CAPNS1: variants seen among roughly 807,000 people sequenced by gnomAD.
CAPNS1 encodes calpain small subunit 1.
CAPNS1 carries 32 observed loss-of-function variants against 39.2 expected under a neutral mutation model. The observed-to-expected ratio is 0.82, with a 90% CI of 0.62 to 1.10. The LOEUF (loss-of-function observed/expected upper bound fraction) is 1.10. CAPNS1 is among the 50% of genes least tolerant of loss of function. The pLI is 0.00. For synonymous variants in CAPNS1, 153 were observed against 136.2 expected (o/e 1.12, Z -0.86); for missense variants, 353 against 373.1 (o/e 0.95, Z 0.44).
At chr19:36,145,203 CTTT>C (rs5827950) in intron 6 of CAPNS1, among the ~76,000 whole-genome samples, 53 of 118,280 alleles carry the variant, frequency 4.5e-4, no homozygotes, top group African/African-American at 1.5e-3. Context: ...TTTTCTTTCT[CTTT>C]TTTTTTTTTT....
At position 36,149,932 on chromosome 19, in the gene CAPNS1, T is replaced by G; in HGVS notation, c.*93T>G. ...AGGGCCGATCCTGTCTGCAGTCACA[T>G]CTTTGTGGGGCCTGCTGACCCACAA... On this transcript the variant is annotated 3_prime_UTR_variant, in exon 11 of 11. Coordinates refer to ENST00000246533, the MANE Select transcript of CAPNS1 (RefSeq NM_001749.4). 1 of 1,188,602 alleles carries G rather than the reference T, an allele frequency of 8.4e-7. No homozygotes were observed. 73.6% of individuals were successfully genotyped at this position (1,188,602 alleles called of 1,614,324 possible).
chr19:36,145,117 C>G (rs1974516359), intron 6 of CAPNS1, among the ~76,000 whole-genome samples: 1 of 151,968 alleles, frequency 6.6e-6, no homozygotes, highest in Non-Finnish European at 1.5e-5. Flanking sequence ...AGGCATGAAC[C>G]ACCATGCCTG....
chr19:36,144,285 C>T (rs1974489594), intron 6 of CAPNS1: 1 of 152,000 alleles, frequency 6.6e-6, no homozygotes, highest in African/African-American at 2.4e-5. Context: ...GCTACTCAAG[C>T]AGGAGAATTG....
At chr19:36,140,884 C>G in intron 1 of CAPNS1, 113 bp from the exon 2 acceptor site, 1 of 1,524,120 alleles carries the variant, frequency 6.6e-7, no homozygotes. Context: ...AAACTCAGAC[C>G]CCCACCCGGA....
At chr19:36,142,586 C>G (rs113039946) in intron 3 of CAPNS1, 66 bp from the exon 4 acceptor site, 5 of 1,352,480 alleles carry the variant, frequency 3.7e-6, no homozygotes, top group Middle Eastern at 1.8e-4. Flanking sequence ...CCCAGGGTAC[C>G]TGGGTTTGGG....
At chr19:36,141,440 G>A in intron 2 of CAPNS1, 2 of 1,311,126 alleles carry the variant, frequency 1.5e-6, no homozygotes, top group Non-Finnish European at 1.9e-6. Context: ...CTTGATATGG[G>A]AGTAGTCTGA....
Position 36,149,941 on chromosome 19 carries a change from G to A in CAPNS1, c.*102G>A, listed in dbSNP as rs548432967. 5 of 1,127,602 alleles carry A rather than the reference G, an allele frequency of 4.4e-6. No individual in the cohort carries two copies. The South Asian group carries it at 7.9e-5, about 18-fold the overall frequency. 69.8% of individuals were successfully genotyped at this position (1,127,602 alleles called of 1,614,324 possible). A position where few individuals can be genotyped will look rare whatever the true frequency, so the allele number is the denominator to read the frequency against. On this transcript the variant is annotated 3_prime_UTR_variant, in exon 11 of 11. Transcript: ENST00000246533. The stretch of plus-strand genomic sequence containing the variant: ...CCTGTCTGCAGTCACATCTTTGTGG[G>A]GCCTGCTGACCCACAAGCTTTTGTT...
In CAPNS1 at chr19:36,143,085, G is replaced by A. The variant is rs1353099942; in HGVS notation, c.413G>A (p.Gly138Asp). 1.2e-6 allele frequency: 2 copies of A among 1,614,084 alleles called. No homozygotes were observed. Among genetic ancestry groups the A allele is most frequent in the Non-Finnish European group, 1.7e-6 (2 of 1,180,040 alleles). Reference sequence around the variant, plus strand: ...ACAGACCCTGATCTGAAGACTGATGGTTTTGGCATTGACACATGTCGCAGC... The same window carrying A: ...ACAGACCCTGATCTGAAGACTGATGATTTTGGCATTGACACATGTCGCAGC... ...VTRHPDLKTD[G>D]FGIDTCRSMV... The change falls in exon 6 of 11, where the codon GGT (glycine) becomes GAT (aspartate). Residue 138 changes from glycine to aspartate, a missense_variant. Gly to Asp is a moderately conservative substitution (Grantham distance 94). Coordinates refer to ENST00000246533, the MANE Select transcript of CAPNS1 (RefSeq NM_001749.4).
intron 3 of CAPNS1, 119 bp from the exon 4 acceptor site, chr19:36,142,533 T>C: frequency 1.3e-6 from 1 of 795,598 alleles, no homozygotes; most frequent in Non-Finnish European, 2.1e-6. Context: ...CCACCCCTCA[T>C]TCTTTTCCTC....
intron 9 of CAPNS1, 72 bp downstream of exon 9, chr19:36,146,384 C>T: frequency 1.0e-6 from 1 of 983,828 alleles, no homozygotes; most frequent in Non-Finnish European, 1.6e-6. Flanking sequence ...CTCCTCTAAG[C>T]CTGACTTTGA....
At chr19:36,141,930 G>A (rs1974388469) in intron 2 of CAPNS1, among the ~76,000 whole-genome samples, 1 of 152,098 alleles carries the variant, frequency 6.6e-6, no homozygotes, top group South Asian at 2.1e-4. Flanking sequence ...GGAAGCTGGG[G>A]CAGAGCCTCT....
intron 6 of CAPNS1, among the ~76,000 whole-genome samples, chr19:36,143,662 C>T (rs1282408931): frequency 6.7e-6 from 1 of 148,792 alleles, no homozygotes. Flanking sequence ...GAGATTGAGA[C>T]CATCCTGGCT....
At chr19:36,144,305 G>A (rs1227465211) in intron 6 of CAPNS1, among the ~76,000 whole-genome samples, 2 of 152,060 alleles carry the variant, frequency 1.3e-5, no homozygotes, top group Non-Finnish European at 2.9e-5. Flanking sequence ...GCTTGAACCC[G>A]GGAGGCGGAG....
At chr19:36,140,494 G>A (rs1029159080) in intron 1 of CAPNS1, 1 of 152,940 alleles carries the variant, frequency 6.5e-6, no homozygotes, top group African/African-American at 2.4e-5. Context: ...TCTTAGACCC[G>A]AGCCCACAGA....
In CAPNS1 at chr19:36,142,977, G is replaced by A. The variant is rs1419074965; in HGVS notation, c.391+11G>A. 21 of 1,614,024 alleles carry A rather than the reference G, an allele frequency of 1.3e-5. No homozygotes were observed. Among genetic ancestry groups the A allele is most frequent in the Non-Finnish European group, 1.8e-5 (21 of 1,179,982 alleles). ...AGGTTGTGACACGACGTAAGTGACC[G>A]GGGTTAAGGAATAGGGTAGATTCAG... On this transcript the variant is annotated intron_variant, in intron 5 of 10. Coordinates refer to ENST00000246533, the MANE Select transcript of CAPNS1 (RefSeq NM_001749.4).
intron 9 of CAPNS1, among the ~76,000 whole-genome samples, chr19:36,149,184 A>T (rs1420853610): frequency 1.3e-5 from 2 of 152,200 alleles, no homozygotes; most frequent in Non-Finnish European, 2.9e-5. Context: ...GACCTGGGGC[A>T]TGGCCCCTCC....
intron 9 of CAPNS1, among the ~76,000 whole-genome samples, chr19:36,149,047 G>A (rs971523684): frequency 6.6e-6 from 1 of 152,130 alleles, no homozygotes; most frequent in African/African-American, 2.4e-5. Flanking sequence ...TAGAACTGGA[G>A]AGGATGGAGC....
At chr19:36,142,831 T>C in intron 4 of CAPNS1, 78 bp from the exon 5 acceptor site, 1 of 1,588,564 alleles carries the variant, frequency 6.3e-7, no homozygotes, top group South Asian at 1.1e-5. Context: ...ACCATGACAA[T>C]CCCAGTGTTC....
intron 1 of CAPNS1, 29 bp from the exon 2 acceptor site, chr19:36,140,968 C>T (rs760228642): frequency 1.9e-6 from 3 of 1,596,144 alleles, no homozygotes; most frequent in Admixed American, 3.4e-5. Flanking sequence ...AGGGGCGAAG[C>T]ACCCACTGGT....
Sources: gnomAD v4.1 joint callset for allele counts (sites outside exome capture counted in the v4.1 genomes callset) on GRCh38, gnomAD v4.1.1 for gene constraint, MANE v1.5 for transcripts, NCBI Gene and HGNC (gene_info 2026-07-23, HGNC 2026-07-21) for gene names.